Variants in LUZP2 observed in about 807,000 individuals in gnomAD.
LUZP2 encodes leucine zipper protein 2.
Under a neutral mutation model 51.6 loss-of-function variants are expected in LUZP2, and 52 were observed. That is an observed-to-expected ratio of 1.01 (90% confidence interval 0.81 to 1.27). The LOEUF is 1.27. LUZP2 is among the 50% of genes most tolerant of loss of function. The probability of loss-of-function intolerance (pLI) is 0.00; values close to 1 mark genes in which losing one functional copy is unlikely to be tolerated. For synonymous variants in LUZP2, 154 were observed against 137.3 expected (o/e 1.12, Z -0.85); for missense variants, 436 against 395.4 (o/e 1.10, Z -0.87).
chr11:24,839,913 A>G (rs900679140), intron 5 of LUZP2, among the ~76,000 whole-genome samples: 2 of 151,808 alleles, frequency 1.3e-5, no homozygotes, highest in African/African-American at 4.8e-5. Flanking sequence ...ATTCCTGCAC[A>G]TAAGTAATAC....
chr11:24,814,918 G>C (rs1252273245), intron 5 of LUZP2, among the ~76,000 whole-genome samples: 1 of 151,858 alleles, frequency 6.6e-6, no homozygotes, highest in Non-Finnish European at 1.5e-5. Context: ...CATGAACCCG[G>C]GAGGTGGAGC....
chr11:24,704,818 A>G (rs1276233533), intron 1 of LUZP2, among the ~76,000 whole-genome samples: 1 of 152,156 alleles, frequency 6.6e-6, no homozygotes, highest in Non-Finnish European at 1.5e-5. Context: ...AGCTGACTCT[A>G]AAGTAGCACT....
At chr11:25,044,533 A>G (rs1565274550) in intron 9 of LUZP2, among the ~76,000 whole-genome samples, 1 of 152,032 alleles carries the variant, frequency 6.6e-6, no homozygotes. Context: ...GTATTTAAAA[A>G]ATTAACTTTT....
chr11:24,822,711 AG>A (rs1158799558), intron 5 of LUZP2, among the ~76,000 whole-genome samples: 1 of 152,104 alleles, frequency 6.6e-6, no homozygotes, highest in Non-Finnish European at 1.5e-5. Context: ...ATTTCCATCT[AG>A]GGTAGTATTT....
At chr11:24,741,132 T>C (rs938339385) in intron 4 of LUZP2, among the ~76,000 whole-genome samples, 1 of 152,084 alleles carries the variant, frequency 6.6e-6, no homozygotes, top group African/African-American at 2.4e-5. Context: ...TACATTACTA[T>C]TCAAAATAAT....
rs553793607 is a variant in LUZP2, at chr11:24,969,902, A to G, written c.523-6689A>G. Among the ~76,000 whole-genome samples, 156 of 152,262 alleles carry G rather than the reference A, an allele frequency of 1.0e-3. 1 individual carries two copies. Among genetic ancestry groups the G allele is most frequent in the African/African-American group, 3.6e-3 (150 of 41,564 alleles). On this transcript the variant is annotated intron_variant, in intron 7 of 11. Coordinates refer to ENST00000336930, the MANE Select transcript of LUZP2 (RefSeq NM_001009909.4). The stretch of plus-strand genomic sequence containing the variant: ...TGGTTTTCTGAGTTTTGGTGGGAAC[A>G]CACACATGCGCGCGCACACACACAC...
At chr11:24,716,440 A>G (rs535589822) in intron 1 of LUZP2, among the ~76,000 whole-genome samples, 81 of 152,338 alleles carry the variant, frequency 5.3e-4, no homozygotes, top group Non-Finnish European at 7.8e-4. Flanking sequence ...TGCATTTAAA[A>G]TAAACAGTTA....
At chr11:24,904,439 C>A (rs10767275) in intron 5 of LUZP2, among the ~76,000 whole-genome samples, 1 of 151,600 alleles carries the variant, frequency 6.6e-6, no homozygotes, top group South Asian at 2.1e-4. Context: ...CCCACCACCA[C>A]GCCCGGCTAA....
At chr11:24,892,649 A>G (rs911290526) in intron 5 of LUZP2, 1 of 167,984 alleles carries the variant, frequency 6.0e-6, no homozygotes, top group Admixed American at 6.5e-5. Flanking sequence ...CCTGAAAAAC[A>G]AGTAATGTGT....
chr11:24,601,972 GTATATGTATATATATGTGTATATATGTA>G (rs1853672856), intron 1 of LUZP2, among the ~76,000 whole-genome samples: 4 of 110,164 alleles, frequency 3.6e-5, no homozygotes, highest in African/African-American at 8.7e-5. Context: ...GTATATATGT[GTATATGTATATATATGTGTATATATGTA>G]TATATATGTA....
At chr11:24,767,741 C>T (rs1860246009) in intron 5 of LUZP2, among the ~76,000 whole-genome samples, 1 of 151,970 alleles carries the variant, frequency 6.6e-6, no homozygotes, top group Non-Finnish European at 1.5e-5. Context: ...ATCCTTGTGC[C>T]TTCAATGTTT....
rs1289186771 is a variant in LUZP2, at chr11:24,915,233, T to C, written c.522+695T>C. 3.3e-5 allele frequency among the ~76,000 whole-genome samples: 5 copies of C among 152,262 alleles called. No individual in the cohort carries two copies. The East Asian group carries it at 9.6e-4, about 29-fold the overall frequency. ...TCAAATAACAAAAGGGCCAGAAGCA[T>C]GACAATGTTATGATTTATTTCATAG... On this transcript the variant is annotated intron_variant, in intron 7 of 11. Transcript: ENST00000336930.
At chr11:24,505,865 T>G (rs945755013) in intron 1 of LUZP2, among the ~76,000 whole-genome samples, 1 of 152,108 alleles carries the variant, frequency 6.6e-6, no homozygotes, top group Non-Finnish European at 1.5e-5. Flanking sequence ...CTCGTTTCTA[T>G]CTGGTGCCTG....
chr11:24,567,455 A>G (rs1481808969), intron 1 of LUZP2, among the ~76,000 whole-genome samples: 2 of 152,090 alleles, frequency 1.3e-5, no homozygotes, highest in Admixed American at 1.3e-4. Flanking sequence ...TGATGTAACC[A>G]TTAGTATATA....
At chr11:24,573,654 GT>G (rs1852512871) in intron 1 of LUZP2, among the ~76,000 whole-genome samples, 1 of 151,898 alleles carries the variant, frequency 6.6e-6, no homozygotes. Context: ...ATTTGAAAGT[GT>G]TGAGAATTTT....
chr11:24,796,491 C>CTCTGTG (rs1554908552), intron 5 of LUZP2, among the ~76,000 whole-genome samples: 15 of 124,616 alleles, frequency 1.2e-4, no homozygotes, highest in Non-Finnish European at 2.3e-4. Flanking sequence ...TAATAATAAT[C>CTCTGTG]TGTGTGTGTG....
chr11:25,032,795 G>A lies in LUZP2; in HGVS notation c.766-17243G>A, dbSNP rs562657272. Among the ~76,000 whole-genome samples the A allele has an allele frequency of 2.1e-4, 32 of 152,298 alleles. 1 individual carries two copies. The highest frequency in any genetic ancestry group is 1.5e-3 in the South Asian group (7 of 4,824). On this transcript the variant is annotated intron_variant, in intron 9 of 11. Transcript: ENST00000336930. ...TATGAATTCCCATAGTTTGTTGCAA[G>A]GGGGCCTTATACAATACATTCATTG... is the stretch of plus-strand genomic sequence containing the variant.
intron 5 of LUZP2, among the ~76,000 whole-genome samples, chr11:24,803,467 A>T (rs1849754412): frequency 6.6e-6 from 1 of 152,210 alleles, no homozygotes; most frequent in African/African-American, 2.4e-5. Flanking sequence ...ATATTCTAAA[A>T]ATAGAATTTC....
chr11:24,608,300 C>T (rs1476337793), intron 1 of LUZP2, among the ~76,000 whole-genome samples: 1 of 152,160 alleles, frequency 6.6e-6, no homozygotes, highest in African/African-American at 2.4e-5. Flanking sequence ...GAGTATAATT[C>T]TACAAGGCAG....
Sources: allele counts gnomAD v4.1 joint callset (sites outside exome capture counted in the v4.1 genomes callset), GRCh38; gene constraint gnomAD v4.1.1; transcripts MANE v1.5; gene names NCBI Gene and HGNC (gene_info 2026-07-23, HGNC 2026-07-21).